MCTP1: variants seen among roughly 807,000 people sequenced by gnomAD.
MCTP1 encodes multiple C2 and transmembrane domain containing 1, also known as multiple C2 and transmembrane domain-containing protein 1.
Under a neutral mutation model 120.6 loss-of-function variants are expected in MCTP1, and 69 were observed. The observed-to-expected ratio is 0.57, with a 90% CI of 0.47 to 0.70. MCTP1 has a LOEUF of 0.70. Ranked by LOEUF, MCTP1 falls within the 30% of genes least tolerant of loss-of-function variation. The pLI, the probability that MCTP1 is intolerant of heterozygous loss-of-function variation, is 0.00. For synonymous variants in MCTP1, 529 were observed against 493.1 expected (o/e 1.07, Z -0.96); for missense variants, 1,203 against 1,248.8 (o/e 0.96, Z 0.55).
intron 5 of MCTP1, among the ~76,000 whole-genome samples, chr5:94,939,657 A>G (rs1317382795): frequency 6.6e-6 from 1 of 151,932 alleles, no homozygotes; most frequent in Non-Finnish European, 1.5e-5. Context: ...AAATACCAGA[A>G]AGCAGAAACT....
At chr5:94,874,016 C>T (rs960607542) in intron 12 of MCTP1, among the ~76,000 whole-genome samples, 5 of 151,810 alleles carry the variant, frequency 3.3e-5, no homozygotes, top group African/African-American at 1.2e-4. Flanking sequence ...TAATGTTATG[C>T]CCTGTATTAT....
chr5:94,806,083 G>A (rs1024843235), intron 17 of MCTP1, among the ~76,000 whole-genome samples: 12 of 151,484 alleles, frequency 7.9e-5, no homozygotes, highest in Non-Finnish European at 1.6e-4. Context: ...AACTAACAGC[G>A]GAAATGAGGT....
At chr5:95,167,462 T>C (rs999435862) in intron 1 of MCTP1, among the ~76,000 whole-genome samples, 1 of 152,206 alleles carries the variant, frequency 6.6e-6, no homozygotes, top group South Asian at 2.1e-4. Flanking sequence ...TTTCTAGTTC[T>C]AGATCCCTGA....
In MCTP1 at chr5:94,714,791, G is replaced by T; in HGVS notation, c.2706C>A (p.Gly902=). 3.8e-6 allele frequency: 6 copies of T among 1,597,550 alleles called. No individual in the cohort carries two copies. The highest frequency in any genetic ancestry group is 5.1e-6 in the Non-Finnish European group (6 of 1,165,192). Residue 902 remains glycine, a synonymous_variant, in exon 20 of 23, where the codon GGC becomes GGA. Transcript: ENST00000515393. ...CCGTCACTCACTTCTTTATCCTTTC[G>T]CCAAAGGAAGCCACTTCATCTAGGA... ...QNILDEVASF[G]ERIKNTFNWT...
intron 1 of MCTP1, chr5:95,081,370 T>C: frequency 6.7e-7 from 1 of 1,498,478 alleles, no homozygotes; most frequent in Non-Finnish European, 9.2e-7. Context: ...ATACCTAAAC[T>C]GCCACATTAA....
chr5:95,201,930 C>T (rs1751107150), intron 1 of MCTP1, among the ~76,000 whole-genome samples: 1 of 151,986 alleles, frequency 6.6e-6, no homozygotes, highest in African/African-American at 2.4e-5. Flanking sequence ...GTTCTAACAT[C>T]TGGTATGGGG....
chr5:95,151,243 G>A (rs368045984), intron 1 of MCTP1, among the ~76,000 whole-genome samples: 121 of 151,256 alleles, frequency 8.0e-4, no homozygotes, highest in African/African-American at 2.8e-3. Context: ...TTTGGCCTTC[G>A]AAAGTGCTAG....
intron 21 of MCTP1, chr5:94,710,538 G>A: frequency 3.2e-6 from 1 of 311,592 alleles, no homozygotes; most frequent in Non-Finnish European, 5.9e-6. Flanking sequence ...TAAATCAGAG[G>A]GATATCTAGA....
In MCTP1 at chr5:95,200,086, G is replaced by A. The variant is rs568989602; in HGVS notation, c.720+83770C>T. ...TGAGGCAGGAGAATCACTTGAACCC[G>A]GGAGGCGGAAGTTGCGGTGAGCCGA... is the stretch of plus-strand genomic sequence containing the variant. On this transcript the variant is annotated intron_variant, in intron 1 of 22. Coordinates refer to ENST00000515393, the MANE Select transcript of MCTP1 (RefSeq NM_024717.7). Among the ~76,000 whole-genome samples the A allele has an allele frequency of 6.0e-5, 9 of 150,454 alleles. No homozygotes were observed. The South Asian group carries it at 6.3e-4, about 11-fold the overall frequency.
At chr5:95,095,387 C>T (rs1312398130) in intron 1 of MCTP1, among the ~76,000 whole-genome samples, 1 of 152,090 alleles carries the variant, frequency 6.6e-6, no homozygotes, top group Non-Finnish European at 1.5e-5. Context: ...AAACAGAGGG[C>T]ATTTTTTATG....
intron 1 of MCTP1, among the ~76,000 whole-genome samples, chr5:95,220,690 A>G (rs1028384428): frequency 6.6e-6 from 1 of 152,244 alleles, no homozygotes; most frequent in Non-Finnish European, 1.5e-5. Context: ...CTAATAACAT[A>G]CATGCTTCAA....
intron 1 of MCTP1, among the ~76,000 whole-genome samples, chr5:95,212,948 C>A (rs200909760): frequency 1.9e-4 from 29 of 151,912 alleles, no homozygotes; most frequent in Admixed American, 8.5e-4. Flanking sequence ...CTTTGAAAAC[C>A]GGCACAAGAC....
chr5:95,224,804 C>T (rs1364311969), intron 1 of MCTP1, among the ~76,000 whole-genome samples: 1 of 152,188 alleles, frequency 6.6e-6, no homozygotes, highest in Non-Finnish European at 1.5e-5. Flanking sequence ...AGCCACCACA[C>T]CCAGCCTAGG....
chr5:95,213,337 C>T (rs1418887664), intron 1 of MCTP1, among the ~76,000 whole-genome samples: 1 of 152,182 alleles, frequency 6.6e-6, no homozygotes, highest in Non-Finnish European at 1.5e-5. Flanking sequence ...AGGAGAACTA[C>T]AAACCACTGC....
chr5:95,192,217 T>A (rs888809338), intron 1 of MCTP1, among the ~76,000 whole-genome samples: 2 of 151,946 alleles, frequency 1.3e-5, no homozygotes, highest in African/African-American at 2.4e-5. Flanking sequence ...TGTTTTTGAG[T>A]AAGTTTTTTC....
chr5:94,840,647 C>T (rs1222724423), intron 17 of MCTP1, among the ~76,000 whole-genome samples: 1 of 152,060 alleles, frequency 6.6e-6, no homozygotes, highest in African/African-American at 2.4e-5. Context: ...CTGGATTTAT[C>T]AGGGCTTACC....
intron 1 of MCTP1, among the ~76,000 whole-genome samples, chr5:95,020,277 T>C (rs959854440): frequency 6.6e-6 from 1 of 152,082 alleles, no homozygotes; most frequent in Non-Finnish European, 1.5e-5. Flanking sequence ...TTTTCAAATA[T>C]GTATTATACT....
intron 1 of MCTP1, among the ~76,000 whole-genome samples, chr5:95,278,527 C>T (rs544564157): frequency 6.6e-6 from 1 of 152,062 alleles, no homozygotes; most frequent in South Asian, 2.1e-4. Flanking sequence ...CAAACAAAGC[C>T]CAGTATGCAA....
intron 1 of MCTP1, among the ~76,000 whole-genome samples, chr5:95,160,545 G>A (rs1206445132): frequency 6.6e-6 from 1 of 151,254 alleles, no homozygotes; most frequent in Non-Finnish European, 1.5e-5. Flanking sequence ...CATTGGTCTG[G>A]GCAAATATTT....
Sources: gnomAD v4.1 joint callset for allele counts (sites outside exome capture counted in the v4.1 genomes callset) on GRCh38, gnomAD v4.1.1 for gene constraint, MANE v1.5 for transcripts, NCBI Gene and HGNC (gene_info 2026-07-23, HGNC 2026-07-21) for gene names.